Variants in PXDNL observed in about 807,000 individuals in gnomAD.
The protein encoded by PXDNL is peroxidasin like.
A neutral mutation model predicts 150.8 loss-of-function variants in PXDNL; 145 were observed. The ratio of observed to expected loss-of-function variants is 0.96; its 90% CI spans 0.84 to 1.10. The LOEUF is 1.10. Ranked by LOEUF, PXDNL falls within the 50% of genes least tolerant of loss-of-function variation. The pLI, the probability that PXDNL is intolerant of heterozygous loss-of-function variation, is 0.00. For synonymous variants in PXDNL, 757 were observed against 725.7 expected (o/e 1.04, Z -0.69); for missense variants, 2,087 against 1,873.9 (o/e 1.11, Z -2.10).
At chr8:51,502,260 G>A (rs1029340092) in intron 4 of PXDNL, among the ~76,000 whole-genome samples, 2 of 152,196 alleles carry the variant, frequency 1.3e-5, no homozygotes, top group African/African-American at 4.8e-5. Context: ...CAGCAAGTGG[G>A]GGGCGGCCGT....
At chr8:51,562,688 T>C (rs1428900075) in intron 3 of PXDNL, among the ~76,000 whole-genome samples, 2 of 151,942 alleles carry the variant, frequency 1.3e-5, no homozygotes, top group African/African-American at 4.8e-5. Flanking sequence ...ATCAAAATAG[T>C]TGGTAGGTGT....
Position 51,695,464 on chromosome 8 carries a change from G to T in PXDNL, c.165-40704C>A, listed in dbSNP as rs115511209. On this transcript the variant is annotated intron_variant, in intron 1 of 22. Coordinates refer to ENST00000356297, the MANE Select transcript of PXDNL (RefSeq NM_144651.5). ...AGACAGATCAGAGCAGTAAATTCCA[G>T]TGCTACAACACACACACGCACACAC... 5.9e-3 allele frequency among the ~76,000 whole-genome samples: 901 copies of T among 152,080 alleles called. 14 individuals carry two copies. Among genetic ancestry groups the T allele is most frequent in the African/African-American group, 0.021 (858 of 41,490 alleles).
intron 18 of PXDNL, among the ~76,000 whole-genome samples, chr8:51,373,640 T>C (rs1807202179): frequency 6.6e-6 from 1 of 152,178 alleles, no homozygotes; most frequent in South Asian, 2.1e-4. Context: ...CTATAATTTG[T>C]AAAGGGAAGG....
At chr8:51,641,279 A>G (rs1814748034) in intron 2 of PXDNL, among the ~76,000 whole-genome samples, 3 of 151,580 alleles carry the variant, frequency 2.0e-5, no homozygotes, top group African/African-American at 4.9e-5. Flanking sequence ...ATTACCATTC[A>G]GGACACAGGC....
At chr8:51,617,953 G>A (rs552953518) in intron 2 of PXDNL, among the ~76,000 whole-genome samples, 11 of 152,292 alleles carry the variant, frequency 7.2e-5, no homozygotes, top group Non-Finnish European at 1.2e-4. Context: ...GGGGTCTTCC[G>A]TGACAGCCTT....
intron 1 of PXDNL, among the ~76,000 whole-genome samples, chr8:51,664,537 A>G (rs1815339980): frequency 6.6e-6 from 1 of 152,152 alleles, no homozygotes; most frequent in African/African-American, 2.4e-5. Context: ...GCCCATTTGC[A>G]CGTGAGCCAA....
At chr8:51,535,665 T>A (rs952199030) in intron 4 of PXDNL, among the ~76,000 whole-genome samples, 39 of 141,666 alleles carry the variant, frequency 2.8e-4, no homozygotes, top group Admixed American at 6.2e-4. Flanking sequence ...ACTATTGTCC[T>A]ATGACCCTGC....
At chr8:51,655,868 T>C (rs6987346) in intron 1 of PXDNL, among the ~76,000 whole-genome samples, 100,566 of 151,978 alleles carry the variant, frequency 0.66, 33,798 homozygotes, top group Non-Finnish European at 0.72. Flanking sequence ...CAGAAACACA[T>C]AGGGCCAAAA....
At chr8:51,477,169 A>C (rs7838138) in intron 6 of PXDNL, among the ~76,000 whole-genome samples, 1 of 152,060 alleles carries the variant, frequency 6.6e-6, no homozygotes, top group African/African-American at 2.4e-5. Flanking sequence ...AGTTTTGTAA[A>C]ATGTTTTGTA....
chr8:51,519,060 A>C (rs554406710), intron 4 of PXDNL, among the ~76,000 whole-genome samples: 173 of 152,360 alleles, frequency 1.1e-3, no homozygotes, highest in Non-Finnish European at 2.0e-3. Context: ...TAGGAAAGTG[A>C]AAGTACTGAC....
chr8:51,608,570 G>C (rs530275522), intron 2 of PXDNL, among the ~76,000 whole-genome samples: 2 of 147,972 alleles, frequency 1.4e-5, no homozygotes, highest in Non-Finnish European at 3.0e-5. Context: ...GGGCGCGGTG[G>C]CTCACGCCTG....
At chr8:51,458,879 G>A (rs954837499) in intron 8 of PXDNL, among the ~76,000 whole-genome samples, 1 of 152,204 alleles carries the variant, frequency 6.6e-6, no homozygotes, top group Non-Finnish European at 1.5e-5. Flanking sequence ...GAATCACAGA[G>A]TGAAGGCAGG....
At chr8:51,655,643 C>T (rs1209813336) in intron 1 of PXDNL, among the ~76,000 whole-genome samples, 1 of 152,122 alleles carries the variant, frequency 6.6e-6, no homozygotes, top group African/African-American at 2.4e-5. Context: ...GGGTGGTTAA[C>T]TGGGGGCAGC....
At chr8:51,420,712 A>G (rs1294044684) in intron 14 of PXDNL, among the ~76,000 whole-genome samples, 1 of 152,198 alleles carries the variant, frequency 6.6e-6, no homozygotes, top group East Asian at 1.9e-4. Context: ...TGTTTTTGAG[A>G]TGAAGTCTCA....
chr8:51,497,598 A>G (rs1811081204), intron 5 of PXDNL, among the ~76,000 whole-genome samples: 1 of 152,102 alleles, frequency 6.6e-6, no homozygotes, highest in Non-Finnish European at 1.5e-5. Flanking sequence ...AAAGCAAACA[A>G]CCCCATCAAA....
intron 5 of PXDNL, among the ~76,000 whole-genome samples, chr8:51,499,454 C>T (rs991838838): frequency 6.6e-6 from 1 of 152,120 alleles, no homozygotes; most frequent in African/African-American, 2.4e-5. Context: ...TTTTAAATAG[C>T]TTTCTCTCAT....
chr8:51,637,876 A>G (rs1022561779), intron 2 of PXDNL, among the ~76,000 whole-genome samples: 1 of 152,192 alleles, frequency 6.6e-6, no homozygotes, highest in Non-Finnish European at 1.5e-5. Flanking sequence ...CCTCAAGAAG[A>G]GCAACTCCAA....
At chr8:51,691,707 C>G (rs1395879929) in intron 1 of PXDNL, among the ~76,000 whole-genome samples, 1 of 152,142 alleles carries the variant, frequency 6.6e-6, no homozygotes, top group East Asian at 1.9e-4. Flanking sequence ...AAGACAATCC[C>G]TCTTTCTTCC....
At chr8:51,322,643 T>C (rs1805360177) in intron 21 of PXDNL, among the ~76,000 whole-genome samples, 1 of 152,142 alleles carries the variant, frequency 6.6e-6, no homozygotes, top group Non-Finnish European at 1.5e-5. Flanking sequence ...AAAAGAGCCA[T>C]GTAGCAGGTA....
Sources: allele counts gnomAD v4.1 joint callset (sites outside exome capture counted in the v4.1 genomes callset), GRCh38; gene constraint gnomAD v4.1.1; transcripts MANE v1.5; gene names NCBI Gene and HGNC (gene_info 2026-07-23, HGNC 2026-07-21).